Variants in KLF8 observed in about 807,000 individuals in gnomAD.
KLF8 encodes the protein KLF transcription factor 8, also known as Krueppel-like factor 8.
A neutral mutation model predicts 18.2 loss-of-function variants in KLF8; 10 were observed. The ratio of observed to expected loss-of-function variants is 0.55; its 90% CI spans 0.34 to 0.93. The LOEUF is 0.93. Ranked by LOEUF, KLF8 falls within the 40% of genes least tolerant of loss-of-function variation. The pLI is 0.02. For synonymous variants in KLF8, 109 were observed against 97.3 expected (o/e 1.12, Z -0.71); for missense variants, 264 against 277.9 (o/e 0.95, Z 0.36).
chrX:56,046,272 A>G, the KLF8 span, among the ~76,000 whole-genome samples: 22 of 111,431 alleles, frequency 2.0e-4, no homozygotes, highest in Non-Finnish European at 3.2e-4. Context: ...GAATTTTTGC[A>G]TCTATGATCA....
chrX:56,094,974 A>G, the KLF8 span, among the ~76,000 whole-genome samples: 1 of 111,466 alleles, frequency 9.0e-6, no homozygotes, highest in Admixed American at 9.5e-5. Flanking sequence ...GAAACTATCA[A>G]TGCCCTTCAC....
At chrX:55,930,174 GCTCT>G in the KLF8 span, among the ~76,000 whole-genome samples, 3 of 111,498 alleles carry the variant, frequency 2.7e-5, no homozygotes, top group East Asian at 8.4e-4. Context: ...TCATGATTTG[GCTCT>G]CTGTTTGTCT....
the KLF8 span, among the ~76,000 whole-genome samples, chrX:55,973,037 T>C: frequency 5.3e-5 from 6 of 112,260 alleles, no homozygotes; most frequent in African/African-American, 1.6e-4. Context: ...TGGAGCAGAT[T>C]AGGGAACCTA....
chrX:56,219,632 C>T, the KLF8 span, among the ~76,000 whole-genome samples: 2 of 112,072 alleles, frequency 1.8e-5, no homozygotes, highest in African/African-American at 3.2e-5. Context: ...CCCCAATGTC[C>T]TCACCTTCTC....
chrX:56,146,819 T>C, the KLF8 span, among the ~76,000 whole-genome samples: 1 of 112,243 alleles, frequency 8.9e-6, no homozygotes, highest in South Asian at 3.7e-4. Flanking sequence ...CAAAACATTA[T>C]CTAAAACAAT....
the KLF8 span, among the ~76,000 whole-genome samples, chrX:56,084,741 C>T: frequency 8.9e-6 from 1 of 112,110 alleles, no homozygotes; most frequent in Non-Finnish European, 1.9e-5. Flanking sequence ...ATTTCAAATT[C>T]TCTGTAGTGA....
Position 56,233,218 on chromosome X carries a change from C to T in KLF8, c.-117C>T. 1.1e-6 allele frequency: 1 copy of T among 872,487 alleles called. No individual in the cohort carries two copies. The highest frequency in any genetic ancestry group is 1.7e-6 in the Non-Finnish European group (1 of 594,935). The allele number at this position is 872,487 out of a possible 1,213,427, so 71.9% of individuals were successfully genotyped here. On this transcript the variant is annotated 5_prime_UTR_variant, in exon 1 of 6. Coordinates refer to ENST00000468660, the MANE Select transcript of KLF8 (RefSeq NM_007250.5). Reference sequence around the variant, plus strand: ...GAAGACGAGAACGCGTCGCCCTGCGCTATGTCAGAATGGGGCGGGTGTGAG... The same window carrying T: ...GAAGACGAGAACGCGTCGCCCTGCGTTATGTCAGAATGGGGCGGGTGTGAG...
At chrX:55,946,265 A>G in the KLF8 span, among the ~76,000 whole-genome samples, 2 of 112,102 alleles carry the variant, frequency 1.8e-5, no homozygotes, top group African/African-American at 6.5e-5. Context: ...CCAAAACAGC[A>G]TGGTACTGGT....
At chrX:56,088,223 A>C in the KLF8 span, among the ~76,000 whole-genome samples, 1 of 111,885 alleles carries the variant, frequency 8.9e-6, no homozygotes. Flanking sequence ...TAGAAAAAAT[A>C]AAAACCCACC....
the KLF8 span, among the ~76,000 whole-genome samples, chrX:55,987,402 C>A: frequency 9.1e-6 from 1 of 110,038 alleles, no homozygotes; most frequent in Non-Finnish European, 1.9e-5. Context: ...TTCCTGTGTC[C>A]ATGTGTTCTC....
intron 5 of KLF8, 96 bp from the exon 6 acceptor site, chrX:56,284,217 A>T (rs1307544619): frequency 1.4e-6 from 1 of 695,406 alleles, no homozygotes. Flanking sequence ...TAGCCTTTTC[A>T]CTAAAGCCTT....
At chrX:55,975,862 C>G in the KLF8 span, among the ~76,000 whole-genome samples, 1 of 111,963 alleles carries the variant, frequency 8.9e-6, no homozygotes, top group African/African-American at 3.2e-5. Flanking sequence ...GTAATCCCGG[C>G]ACTTTGGGAG....
chrX:56,172,662 A>G, the KLF8 span, among the ~76,000 whole-genome samples: 3 of 112,075 alleles, frequency 2.7e-5, no homozygotes, highest in Non-Finnish European at 5.6e-5. Flanking sequence ...CTAGTTCTAG[A>G]TCCCTGAGGA....
chrX:56,052,245 G>A, the KLF8 span, among the ~76,000 whole-genome samples: 28 of 111,327 alleles, frequency 2.5e-4, no homozygotes, highest in East Asian at 6.3e-3. Flanking sequence ...TAATTTGATC[G>A]TCTGAAGCCT....
chrX:56,107,170 G>A, the KLF8 span, among the ~76,000 whole-genome samples: 1 of 111,903 alleles, frequency 8.9e-6, no homozygotes, highest in Non-Finnish European at 1.9e-5. Flanking sequence ...GGCTACACAG[G>A]GGTCGGGGAC....
At chrX:56,034,709 T>C in the KLF8 span, among the ~76,000 whole-genome samples, 1 of 77,628 alleles carries the variant, frequency 1.3e-5, no homozygotes, top group Non-Finnish European at 2.0e-5. Context: ...ACTATAGTCA[T>C]CTTACAATCT....
intron 1 of KLF8, among the ~76,000 whole-genome samples, chrX:56,240,335 C>T (rs929989144): frequency 6.3e-5 from 7 of 111,825 alleles, no homozygotes; most frequent in Non-Finnish European, 1.3e-4. Flanking sequence ...AGGTCTCTTC[C>T]CTTAAGTACC....
the KLF8 span, among the ~76,000 whole-genome samples, chrX:56,049,961 T>C: frequency 2.2e-4 from 24 of 110,860 alleles, no homozygotes; most frequent in Admixed American, 3.8e-4. Flanking sequence ...TATTGGTCTA[T>C]TCAGAGATTC....
At chrX:55,947,462 G>A in the KLF8 span, among the ~76,000 whole-genome samples, 1 of 98,169 alleles carries the variant, frequency 1.0e-5, no homozygotes, top group Non-Finnish European at 2.0e-5. Context: ...ACAGGAAGGG[G>A]AACATCACAC....
Sources: gnomAD v4.1 joint callset for allele counts (sites outside exome capture counted in the v4.1 genomes callset) on GRCh38, gnomAD v4.1.1 for gene constraint, MANE v1.5 for transcripts, NCBI Gene and HGNC (gene_info 2026-07-23, HGNC 2026-07-21) for gene names.